NELL1: variants seen among roughly 807,000 people sequenced by gnomAD.
NELL1 encodes the protein neural EGFL like 1, also known as protein kinase C-binding protein NELL1.
Under a neutral mutation model 107.4 loss-of-function variants are expected in NELL1, and 76 were observed. The observed-to-expected ratio is 0.71, with a 90% CI of 0.59 to 0.86. The LOEUF is 0.86. Ranked by LOEUF, NELL1 falls within the 40% of genes least tolerant of loss-of-function variation. The pLI is 0.00. For synonymous variants in NELL1, 353 were observed against 341.2 expected, an observed-to-expected ratio of 1.03 and a Z score of -0.38; for missense variants, 1,024 against 1,005.5, an observed-to-expected ratio of 1.02 and a Z score of -0.25.
At chr11:20,852,724 A>G (rs1317111781) in intron 4 of NELL1, among the ~76,000 whole-genome samples, 3 of 152,256 alleles carry the variant, frequency 2.0e-5, no homozygotes, top group African/African-American at 7.2e-5. Context: ...TCTTTGCTTC[A>G]TAAACAGAAA....
At chr11:21,015,824 T>A (rs1261891307) in intron 12 of NELL1, among the ~76,000 whole-genome samples, 1 of 152,114 alleles carries the variant, frequency 6.6e-6, no homozygotes, top group African/African-American at 2.4e-5. Flanking sequence ...GCACGTCCTG[T>A]TGTCAACACA....
In NELL1 at chr11:20,709,407, T is replaced by A. The variant is rs546674481; in HGVS notation, c.184+31347T>A. Among the ~76,000 whole-genome samples, 3 of 152,354 alleles carry A rather than the reference T, an allele frequency of 2.0e-5. No homozygotes were observed. The East Asian group carries it at 5.8e-4, about 29-fold the overall frequency. On this transcript the variant is annotated intron_variant, in intron 2 of 19. Transcript: ENST00000357134. ...CTGTTCCATTGGTCTATGTGACTAT[T>A]TTTATACCAGTACCATGCTGTTTTG...
intron 1 of NELL1, chr11:20,671,051 G>A (rs78583883): frequency 0.085 from 12,886 of 152,378 alleles, 762 homozygotes; most frequent in South Asian, 0.14. Flanking sequence ...CCAGGACTGA[G>A]CAGGCAGCGG....
intron 12 of NELL1, among the ~76,000 whole-genome samples, chr11:21,095,360 C>G (rs1854616430): frequency 6.6e-6 from 1 of 152,152 alleles, no homozygotes; most frequent in Non-Finnish European, 1.5e-5. Context: ...TTCTTCCGAG[C>G]CCTGCAAATT....
chr11:21,150,693 G>A (rs981380515), intron 13 of NELL1, among the ~76,000 whole-genome samples: 1 of 152,016 alleles, frequency 6.6e-6, no homozygotes, highest in African/African-American at 2.4e-5. Flanking sequence ...AATTGCTGAG[G>A]GACAGCACAC....
chr11:20,793,519 T>C (rs956270163), intron 3 of NELL1, among the ~76,000 whole-genome samples: 1 of 152,136 alleles, frequency 6.6e-6, no homozygotes, highest in African/African-American at 2.4e-5. Context: ...TTACCTTATG[T>C]TGGATTATCT....
chr11:21,547,396 T>G (rs1856469454), intron 16 of NELL1, among the ~76,000 whole-genome samples: 1 of 151,836 alleles, frequency 6.6e-6, no homozygotes, highest in Admixed American at 6.6e-5. Context: ...TGGGTTTGAC[T>G]TAGGTGAGGA....
At chr11:21,032,077 AATAATAATG>A (rs1565024255) in intron 12 of NELL1, among the ~76,000 whole-genome samples, 1 of 148,326 alleles carries the variant, frequency 6.7e-6, no homozygotes, top group African/African-American at 2.5e-5. Flanking sequence ...TAATAATAAT[AATAATAATG>A]ATAAAATAAA....
intron 14 of NELL1, among the ~76,000 whole-genome samples, chr11:21,343,754 A>G (rs897706175): frequency 2.0e-5 from 3 of 152,154 alleles, no homozygotes; most frequent in African/African-American, 7.2e-5. Context: ...AAAAAAATAG[A>G]TGGCAGGGTG....
rs2133839517 is a variant in NELL1, at chr11:20,669,598, C to A, written c.-126C>A. 1 of 746,882 alleles carries A rather than the reference C, an allele frequency of 1.3e-6. No homozygotes were observed. Among genetic ancestry groups the A allele is most frequent in the Admixed American group, 2.2e-5 (1 of 45,280 alleles). The allele number at this position is 746,882 out of a possible 1,614,324, so 46.3% of individuals were successfully genotyped here. A position where few individuals can be genotyped will look rare whatever the true frequency, so the allele number is the denominator to read the frequency against. On this transcript the variant is annotated 5_prime_UTR_variant, in exon 1 of 20. Transcript: ENST00000357134. The surrounding 1 kb of genome is among the most constrained non-coding windows in gnomAD (Gnocchi z 4.4). ...ATGCGAGCGCAGCACCCGGCGCTGC[C>A]GAGCCACCTCCCCCGCCGCCCGCTA...
intron 14 of NELL1, among the ~76,000 whole-genome samples, chr11:21,235,655 A>G (rs1298945683): frequency 6.6e-6 from 1 of 152,200 alleles, no homozygotes; most frequent in Non-Finnish European, 1.5e-5. Context: ...ACCATAAATC[A>G]TAAGCGTAAA....
At chr11:21,464,856 T>C (rs763686932) in intron 15 of NELL1, among the ~76,000 whole-genome samples, 9 of 152,188 alleles carry the variant, frequency 5.9e-5, no homozygotes, top group Non-Finnish European at 1.2e-4. Context: ...ACCAGTTTAA[T>C]AATTTATATG....
intron 3 of NELL1, among the ~76,000 whole-genome samples, chr11:20,834,307 G>A (rs1205714948): frequency 6.6e-6 from 1 of 152,148 alleles, no homozygotes; most frequent in East Asian, 1.9e-4. Flanking sequence ...TAGGTTTTTA[G>A]CTTCTGTTCT....
At chr11:20,688,366 C>T (rs199896650) in intron 2 of NELL1, among the ~76,000 whole-genome samples, 1 of 152,050 alleles carries the variant, frequency 6.6e-6, no homozygotes, top group African/African-American at 2.4e-5. Flanking sequence ...GGTTTTTCAA[C>T]CCTTACCCAT....
At chr11:20,701,474 T>C (rs1009251773) in intron 2 of NELL1, among the ~76,000 whole-genome samples, 22 of 152,158 alleles carry the variant, frequency 1.4e-4, no homozygotes, top group African/African-American at 5.1e-4. Flanking sequence ...TTCACTCTGA[T>C]GGTAGTTTCT....
intron 15 of NELL1, among the ~76,000 whole-genome samples, chr11:21,497,244 C>G (rs1034683230): frequency 6.6e-6 from 1 of 151,812 alleles, no homozygotes; most frequent in African/African-American, 2.4e-5. Flanking sequence ...CAACATGGCA[C>G]ATGTATACAT....
intron 3 of NELL1, among the ~76,000 whole-genome samples, chr11:20,786,494 G>T (rs1856962225): frequency 6.6e-6 from 1 of 152,096 alleles, no homozygotes; most frequent in South Asian, 2.1e-4. Flanking sequence ...TATATTAGCA[G>T]TAGAAATTAT....
chr11:21,144,756 A>G (rs1238416982), intron 13 of NELL1, among the ~76,000 whole-genome samples: 1 of 152,208 alleles, frequency 6.6e-6, no homozygotes, highest in Non-Finnish European at 1.5e-5. Flanking sequence ...AATGCTAAGC[A>G]TGAACAGTAG....
chr11:20,690,114 C>T (rs1854422347), intron 2 of NELL1, among the ~76,000 whole-genome samples: 1 of 152,154 alleles, frequency 6.6e-6, no homozygotes, highest in South Asian at 2.1e-4. Context: ...ATATCCTTTG[C>T]CCACTTTTTG....
Sources: gnomAD v4.1 joint callset for allele counts (sites outside exome capture counted in the v4.1 genomes callset) on GRCh38, gnomAD v4.1.1 for gene constraint, Gnocchi (gnomAD v3.1) non-coding constraint, MANE v1.5 for transcripts, NCBI Gene and HGNC (gene_info 2026-07-23, HGNC 2026-07-21) for gene names.